The following SIL1 variants were observed in gnomAD, a reference collection of about 807,000 sequenced individuals.
SIL1 encodes nucleotide exchange factor SIL1.
A neutral mutation model predicts 49.1 loss-of-function variants in SIL1; 40 were observed. That is an observed-to-expected ratio of 0.81 (90% CI 0.63 to 1.06). The LOEUF (loss-of-function observed/expected upper bound fraction) is 1.06, where lower values mean the gene tolerates loss of function less well. Among genes scored for constraint, SIL1 ranks in the 50% least tolerant of loss-of-function variants. The pLI is 0.00. For synonymous variants in SIL1, 253 were observed against 250.8 expected (o/e 1.01, Z -0.08); for missense variants, 500 against 572.6 (o/e 0.87, Z 1.29).
At chr5:139,040,782 G>A (rs1361414385) in intron 5 of SIL1, among the ~76,000 whole-genome samples, 4 of 151,958 alleles carry the variant, frequency 2.6e-5, no homozygotes, top group Non-Finnish European at 5.9e-5. Context: ...CAGCCGAGAG[G>A]AGTATTTTTA....
At chr5:139,022,056 CCA>C in intron 6 of SIL1, 1 of 152,826 alleles carries the variant, frequency 6.5e-6, no homozygotes, top group African/African-American at 2.4e-5. Flanking sequence ...ATCTCATTAC[CCA>C]CAGTTTATTA....
chr5:139,153,097 C>T (rs1561882419), intron 1 of SIL1, among the ~76,000 whole-genome samples: 2 of 152,300 alleles, frequency 1.3e-5, no homozygotes, highest in East Asian at 3.9e-4. Context: ...GGATTACAGG[C>T]GTGAGCCACC....
At chr5:139,197,254 G>C (rs1752292397) in intron 1 of SIL1, among the ~76,000 whole-genome samples, 1 of 113,290 alleles carries the variant, frequency 8.8e-6, no homozygotes, top group Non-Finnish European at 1.7e-5. Flanking sequence ...AGAAACAAGA[G>C]CGAAACTCCG....
chr5:139,001,861 G>A (rs938612213), intron 7 of SIL1, among the ~76,000 whole-genome samples: 2 of 151,702 alleles, frequency 1.3e-5, no homozygotes, highest in African/African-American at 2.4e-5. Flanking sequence ...GCCAAGTCGC[G>A]CCACTGCACT....
chr5:139,099,795 G>A (rs548305677), intron 3 of SIL1, among the ~76,000 whole-genome samples: 1 of 152,222 alleles, frequency 6.6e-6, no homozygotes, highest in African/African-American at 2.4e-5. Flanking sequence ...GAGTGGGGAA[G>A]GGGAACAAGG....
intron 3 of SIL1, among the ~76,000 whole-genome samples, chr5:139,066,561 C>T (rs960964295): frequency 6.6e-6 from 1 of 152,150 alleles, no homozygotes; most frequent in African/African-American, 2.4e-5. Flanking sequence ...TTATTCTTTT[C>T]TAATGACACT....
chr5:138,994,626 G>A (rs75653608), intron 7 of SIL1, among the ~76,000 whole-genome samples: 2,389 of 152,168 alleles, frequency 0.016, 68 homozygotes, highest in African/African-American at 0.056. Flanking sequence ...AGAGTAAAGC[G>A]CCAAAAATAT....
intron 7 of SIL1, among the ~76,000 whole-genome samples, chr5:138,973,535 C>T (rs1049763771): frequency 2.0e-5 from 3 of 152,210 alleles, no homozygotes; most frequent in African/African-American, 7.2e-5. Context: ...GATCACAGCT[C>T]ACTACATCCC....
rs558232134 is a variant in SIL1, at chr5:138,948,220, G to A, written c.1030-747C>T. Among the ~76,000 whole-genome samples, 15 of 152,290 alleles carry A rather than the reference G, an allele frequency of 9.8e-5. No homozygotes were observed. The highest frequency in any genetic ancestry group is 2.6e-4 in the African/African-American group (11 of 41,556). ...ACAGTGGACCACCTGTGCTTCCTGC[G>A]GCAGCAGGAAGTCGTGGGGCTGATT... On this transcript the variant is annotated intron_variant, in intron 9 of 9. Transcript: ENST00000394817. This position sits in a 1 kb window ranked among gnomAD's most constrained non-coding sequence, Gnocchi z 4.8.
chr5:139,173,702 C>T (rs60445202), intron 1 of SIL1, among the ~76,000 whole-genome samples: 29,863 of 149,608 alleles, frequency 0.2, 6,675 homozygotes, highest in African/African-American at 0.56. Flanking sequence ...ATCCCAGCAC[C>T]TTGGGAGGCC....
intron 3 of SIL1, among the ~76,000 whole-genome samples, chr5:139,052,884 A>C (rs1769324002): frequency 6.6e-6 from 1 of 152,180 alleles, no homozygotes; most frequent in East Asian, 1.9e-4. Context: ...CACAGAACTA[A>C]CTGGAAGGGC....
At chr5:138,951,395 C>T in intron 8 of SIL1, 60 bp from the exon 9 acceptor site, 1 of 1,528,922 alleles carries the variant, frequency 6.5e-7, no homozygotes, top group Non-Finnish European at 8.8e-7. Flanking sequence ...GCCCTGAGGC[C>T]CAGGGAAGGC....
intron 3 of SIL1, among the ~76,000 whole-genome samples, chr5:139,072,226 T>A (rs1769850444): frequency 6.6e-6 from 1 of 152,204 alleles, no homozygotes; most frequent in Non-Finnish European, 1.5e-5. Context: ...GGGTCTATTA[T>A]AAATTATATA....
chr5:139,181,354 G>A (rs780322057), intron 1 of SIL1, among the ~76,000 whole-genome samples: 1 of 152,118 alleles, frequency 6.6e-6, no homozygotes, highest in African/African-American at 2.4e-5. Flanking sequence ...TGCTCTCCCA[G>A]GGATTTGGGG....
chr5:139,117,072 G>A (rs115260656), intron 3 of SIL1, among the ~76,000 whole-genome samples: 186 of 152,322 alleles, frequency 1.2e-3, no homozygotes, highest in African/African-American at 4.2e-3. Context: ...AAAGAGAAAA[G>A]GCCCTGGCCT....
intron 5 of SIL1, among the ~76,000 whole-genome samples, chr5:139,030,168 T>A (rs1294392371): frequency 1.3e-5 from 2 of 151,726 alleles, no homozygotes; most frequent in African/African-American, 4.8e-5. Flanking sequence ...AACACAAAAA[T>A]TATTTGAATT....
intron 3 of SIL1, among the ~76,000 whole-genome samples, chr5:139,097,037 C>T (rs1359695505): frequency 6.6e-6 from 1 of 151,860 alleles, no homozygotes; most frequent in Non-Finnish European, 1.5e-5. Context: ...AAGGGAACAT[C>T]GGTGGTAGTC....
chr5:139,095,587 A>C (rs1770442333), intron 3 of SIL1, among the ~76,000 whole-genome samples: 1 of 152,242 alleles, frequency 6.6e-6, no homozygotes, highest in Admixed American at 6.5e-5. Context: ...TCTGCAAGAA[A>C]GATTTAACTT....
intron 3 of SIL1, among the ~76,000 whole-genome samples, chr5:139,052,915 T>A (rs1769324930): frequency 2.0e-5 from 3 of 152,130 alleles, no homozygotes; most frequent in Admixed American, 2.0e-4. Context: ...GCTGGCTTGG[T>A]ACCACCAGGA....
Sources: allele counts gnomAD v4.1 joint callset (sites outside exome capture counted in the v4.1 genomes callset), GRCh38; gene constraint gnomAD v4.1.1; non-coding constraint Gnocchi (gnomAD v3.1); transcripts MANE v1.5; gene names NCBI Gene and HGNC (gene_info 2026-07-23, HGNC 2026-07-21).